The following IGFBP2 variants were observed in gnomAD, a reference collection of about 807,000 sequenced individuals.
IGFBP2 encodes the protein insulin-like growth factor-binding protein 2.
In IGFBP2, 12 loss-of-function variants were observed where a neutral mutation model predicts 26.2. That is an observed-to-expected ratio of 0.46 (90% CI 0.29 to 0.74). The LOEUF (loss-of-function observed/expected upper bound fraction) is 0.74, where lower values mean the gene tolerates loss of function less well. IGFBP2 is among the 30% of genes least tolerant of loss of function. The pLI is 0.09. For synonymous variants in IGFBP2, 189 were observed against 200.6 expected (o/e 0.94, Z 0.49); for missense variants, 328 against 441.2 (o/e 0.74, Z 2.30).
At chr2:216,641,164 T>C (rs1697605542) in intron 1 of IGFBP2, among the ~76,000 whole-genome samples, 1 of 152,216 alleles carries the variant, frequency 6.6e-6, no homozygotes, top group African/African-American at 2.4e-5. Flanking sequence ...TAATGGCAAG[T>C]ACCTGGCACA....
chr2:216,653,614 A>G (rs187830394), intron 1 of IGFBP2, among the ~76,000 whole-genome samples: 1 of 152,286 alleles, frequency 6.6e-6, no homozygotes, highest in Non-Finnish European at 1.5e-5. Context: ...GTAAAATGGG[A>G]CAACGATCCA....
At chr2:216,641,049 A>C (rs1477978793) in intron 1 of IGFBP2, among the ~76,000 whole-genome samples, 1 of 152,122 alleles carries the variant, frequency 6.6e-6, no homozygotes, top group East Asian at 1.9e-4. Context: ...CCTGTCTCTT[A>C]ATACTTCAGT....
chr2:216,638,218 G>A (rs1466622054), intron 1 of IGFBP2, among the ~76,000 whole-genome samples: 2 of 150,700 alleles, frequency 1.3e-5, no homozygotes, highest in Admixed American at 6.6e-5. Flanking sequence ...AAAATGCCAC[G>A]GGTTGGCCAG....
chr2:216,659,614 G>C, intron 1 of IGFBP2: 1 of 892,156 alleles, frequency 1.1e-6, no homozygotes, highest in Non-Finnish European at 1.8e-6. Flanking sequence ...CTCAGCCAGA[G>C]TGAGACTGTG....
chr2:216,653,786 T>A (rs1697869885), intron 1 of IGFBP2, among the ~76,000 whole-genome samples: 1 of 152,176 alleles, frequency 6.6e-6, no homozygotes. Context: ...CTGACTTCTC[T>A]TTGGAAAAGC....
chr2:216,655,664 C>T lies in IGFBP2; in HGVS notation c.443-4893C>T, dbSNP rs1003613260. ...CTATAATCCCAGCACTTTGGGAGAC[C>T]GAGGTGGGCCTCCTGTGGCAAGGAG... On this transcript the variant is annotated intron_variant, in intron 1 of 3. Transcript: ENST00000233809. Among the ~76,000 whole-genome samples, 20 of 152,132 alleles carry T rather than the reference C, an allele frequency of 1.3e-4. No homozygotes were observed. The East Asian group carries it at 3.3e-3, about 25-fold the overall frequency.
chr2:216,659,798 C>G, intron 1 of IGFBP2: 1 of 1,446,244 alleles, frequency 6.9e-7, no homozygotes, highest in Non-Finnish European at 9.4e-7. Flanking sequence ...TCTTGGGGCT[C>G]TCAGTATAAT....
At chr2:216,635,903 C>T (rs1025859095) in intron 1 of IGFBP2, among the ~76,000 whole-genome samples, 1 of 151,890 alleles carries the variant, frequency 6.6e-6, no homozygotes, top group Non-Finnish European at 1.5e-5. Flanking sequence ...ACGCCTTCCG[C>T]ATTTTTGTGC....
chr2:216,643,394 A>G (rs893784697), intron 1 of IGFBP2, among the ~76,000 whole-genome samples: 16 of 152,198 alleles, frequency 1.1e-4, no homozygotes, highest in Non-Finnish European at 1.5e-5. Flanking sequence ...CTGTCTGTGC[A>G]CAATGATGCC....
At chr2:216,661,672 T>C in intron 2 of IGFBP2, 186 bp from the exon 3 acceptor site, 1 of 685,262 alleles carries the variant, frequency 1.5e-6, no homozygotes, top group Non-Finnish European at 2.6e-6. Flanking sequence ...GGGCTGGGGT[T>C]GGGCACCCAG....
intron 1 of IGFBP2, among the ~76,000 whole-genome samples, chr2:216,659,016 A>G (rs1368941225): frequency 2.0e-5 from 3 of 152,218 alleles, no homozygotes; most frequent in Non-Finnish European, 4.4e-5. Context: ...GCTGGACTTT[A>G]ACCCGGCTAC....
chr2:216,663,911 T>G (rs766217277), intron 3 of IGFBP2, 29 bp from the exon 4 acceptor site: 2 of 1,594,774 alleles, frequency 1.3e-6, no homozygotes, highest in Admixed American at 3.4e-5. Flanking sequence ...GGCTGCGGGC[T>G]CCTCCATGCT....
intron 1 of IGFBP2, among the ~76,000 whole-genome samples, chr2:216,641,734 G>A (rs1697617938): frequency 6.7e-6 from 1 of 149,902 alleles, no homozygotes; most frequent in South Asian, 2.1e-4. Flanking sequence ...CTGTCGCCCA[G>A]GCTGGAGTGC....
chr2:216,634,225 C>A (rs910248637), intron 1 of IGFBP2, among the ~76,000 whole-genome samples: 3 of 152,186 alleles, frequency 2.0e-5, no homozygotes, highest in South Asian at 2.1e-4. Context: ...ATAGTTTTAC[C>A]CGCGTGGAAC....
At chr2:216,656,217 C>T (rs1389466366) in intron 1 of IGFBP2, among the ~76,000 whole-genome samples, 1 of 152,130 alleles carries the variant, frequency 6.6e-6, no homozygotes, top group African/African-American at 2.4e-5. Context: ...AGGGATGGTT[C>T]TTTGGCCACT....
At chr2:216,652,569 AAAGC>A (rs1697849049) in intron 1 of IGFBP2, among the ~76,000 whole-genome samples, 1 of 152,252 alleles carries the variant, frequency 6.6e-6, no homozygotes, top group South Asian at 2.1e-4. Flanking sequence ...CTCAAAGGGC[AAAGC>A]TGGCATTCAG....
intron 1 of IGFBP2, among the ~76,000 whole-genome samples, chr2:216,640,013 G>A (rs1470217106): frequency 2.6e-5 from 4 of 151,980 alleles, no homozygotes; most frequent in Non-Finnish European, 5.9e-5. Flanking sequence ...GTATGTTCCC[G>A]ACTCCCTCTT....
chr2:216,646,350 G>A (rs1423955801), intron 1 of IGFBP2, among the ~76,000 whole-genome samples: 2 of 152,152 alleles, frequency 1.3e-5, no homozygotes, highest in Non-Finnish European at 2.9e-5. Context: ...GGACAGGCAT[G>A]TGTCCTTCCC....
chr2:216,655,756 G>A (rs978236582), intron 1 of IGFBP2, among the ~76,000 whole-genome samples: 1 of 152,026 alleles, frequency 6.6e-6, no homozygotes, highest in Admixed American at 6.6e-5. Flanking sequence ...TTAACCAGGC[G>A]TGGTGACACA....
Sources: allele counts gnomAD v4.1 joint callset (sites outside exome capture counted in the v4.1 genomes callset), GRCh38; gene constraint gnomAD v4.1.1; transcripts MANE v1.5; gene names NCBI Gene and HGNC (gene_info 2026-07-23, HGNC 2026-07-21).